The following SLC25A25 variants were observed in gnomAD, a reference collection of about 807,000 sequenced individuals.
The protein encoded by SLC25A25 is solute carrier family 25 member 25.
A neutral mutation model predicts 57.7 loss-of-function variants in SLC25A25; 32 were observed. That is an observed-to-expected ratio of 0.55 (90% CI 0.42 to 0.74). The LOEUF (loss-of-function observed/expected upper bound fraction) is 0.74, where lower values mean the gene tolerates loss of function less well. Among genes scored for constraint, SLC25A25 ranks in the 30% least tolerant of loss-of-function variants. The probability of loss-of-function intolerance (pLI) is 0.00; values close to 1 mark genes in which losing one functional copy is unlikely to be tolerated. For missense variants in SLC25A25, 556 were observed against 701.3 expected, an observed-to-expected ratio of 0.79 and a Z score of 2.34; for synonymous variants, 306 against 291.2, an observed-to-expected ratio of 1.05 and a Z score of -0.52.
chr9:128,091,459 G>A, intron 1 of SLC25A25: 1 of 986,318 alleles, frequency 1.0e-6, no homozygotes, highest in Non-Finnish European at 1.2e-6. Flanking sequence ...CGGCTTGGGT[G>A]ATGAGCGAGG....
chr9:128,081,367 T>C (rs773325038), intron 1 of SLC25A25, among the ~76,000 whole-genome samples: 5 of 152,208 alleles, frequency 3.3e-5, no homozygotes, highest in Middle Eastern at 3.2e-3. Context: ...CATTTTATGT[T>C]GCTTTAGTAA....
At chr9:128,078,648 T>C (rs1230517547) in intron 1 of SLC25A25, among the ~76,000 whole-genome samples, 1 of 152,206 alleles carries the variant, frequency 6.6e-6, no homozygotes, top group Non-Finnish European at 1.5e-5. Context: ...GTGGATCGTC[T>C]TTCCTAAGTA....
rs975383425 is a variant in SLC25A25 at position 128,102,745 on chromosome 9, C to G, written c.624+264C>G. On this transcript the variant is annotated intron_variant, in intron 5 of 10. Transcript: ENST00000373069. This position sits in a 1 kb window ranked among gnomAD's most constrained non-coding sequence, Gnocchi z 4.1. Reference sequence around the variant, plus strand: ...CCTCCGTCCCCACATGCTCCCTGCTCCCTGCTCCTCATGGGCCACTTCAAA... The same window carrying G: ...CCTCCGTCCCCACATGCTCCCTGCTGCCTGCTCCTCATGGGCCACTTCAAA... Among the ~76,000 whole-genome samples, 5 of 152,240 alleles carry G rather than the reference C, an allele frequency of 3.3e-5. No homozygotes were observed. The highest frequency in any genetic ancestry group is 1.5e-5 in the Non-Finnish European group (1 of 68,030).
At chr9:128,096,039 G>A (rs1019998778) in intron 1 of SLC25A25, among the ~76,000 whole-genome samples, 1 of 152,136 alleles carries the variant, frequency 6.6e-6, no homozygotes, top group African/African-American at 2.4e-5. Flanking sequence ...TCACTAAAAT[G>A]AGATATTCAA....
rs976633322 is a variant in SLC25A25, at chr9:128,095,835, G to T, written c.262-5261G>T. ...AGGAAAGACAAAGAAAAAAGAAGAA[G>T]AATACAGGTTTCACTTTTATTTAGT... On this transcript the variant is annotated intron_variant, in intron 1 of 10. Transcript: ENST00000373069. This position sits in a 1 kb window ranked among gnomAD's most constrained non-coding sequence, Gnocchi z 4.4. 3.3e-5 allele frequency among the ~76,000 whole-genome samples: 5 copies of T among 151,950 alleles called. No homozygotes were observed. Among genetic ancestry groups the T allele is most frequent in the African/African-American group, 7.3e-5 (3 of 41,342 alleles).
At chr9:128,084,347 G>T (rs919040643) in intron 1 of SLC25A25, among the ~76,000 whole-genome samples, 2 of 149,904 alleles carry the variant, frequency 1.3e-5, no homozygotes, top group Non-Finnish European at 2.9e-5. Flanking sequence ...TGCAACCTCC[G>T]CCTCCTGGGT....
At chr9:128,077,653 A>G (rs949147073) in intron 1 of SLC25A25, among the ~76,000 whole-genome samples, 1 of 151,718 alleles carries the variant, frequency 6.6e-6, no homozygotes, top group Non-Finnish European at 1.5e-5. Flanking sequence ...GCGGGTAGAG[A>G]GATAGGAAGG....
At chr9:128,073,738 C>CT (rs879805302) in intron 1 of SLC25A25, among the ~76,000 whole-genome samples, 7,739 of 145,426 alleles carry the variant, frequency 0.053, 588 homozygotes, top group African/African-American at 0.18. Flanking sequence ...AACTAGAATA[C>CT]TTTTTTTTTT....
intron 1 of SLC25A25, among the ~76,000 whole-genome samples, chr9:128,072,358 T>G (rs1471240197): frequency 1.3e-5 from 2 of 152,218 alleles, no homozygotes; most frequent in Non-Finnish European, 2.9e-5. Flanking sequence ...GGAATAGATG[T>G]TGAAGAACAC....
chr9:128,097,744 G>T (rs1374891862), intron 1 of SLC25A25, among the ~76,000 whole-genome samples: 1 of 152,218 alleles, frequency 6.6e-6, no homozygotes, highest in Non-Finnish European at 1.5e-5. Context: ...TGCTTCTGGG[G>T]AGTCCTTTGG....
At chr9:128,105,233 C>T (rs1217675756) in intron 6 of SLC25A25, among the ~76,000 whole-genome samples, 4 of 135,486 alleles carry the variant, frequency 3.0e-5, no homozygotes, top group South Asian at 4.9e-4. Context: ...TACAGGGGCG[C>T]GATCTTGGCT....
At chr9:128,072,190 G>A (rs1305437060) in intron 1 of SLC25A25, among the ~76,000 whole-genome samples, 1 of 152,232 alleles carries the variant, frequency 6.6e-6, no homozygotes, top group Non-Finnish European at 1.5e-5. Context: ...CTGGGCAACA[G>A]GAAGACATCC....
intron 1 of SLC25A25, among the ~76,000 whole-genome samples, chr9:128,097,665 G>A (rs541224589): frequency 2.6e-5 from 4 of 152,344 alleles, no homozygotes; most frequent in African/African-American, 7.2e-5. Flanking sequence ...GGGCTCCTAC[G>A]TGTTCTGAGC....
At position 128,095,142 on chromosome 9, in the gene SLC25A25, G is replaced by A. The variant is rs1282433876; in HGVS notation, c.262-5954G>A. Among the ~76,000 whole-genome samples, 1 of 152,180 alleles carries A rather than the reference G, an allele frequency of 6.6e-6. No individual in the cohort carries two copies. Among genetic ancestry groups the A allele is most frequent in the Non-Finnish European group, 1.5e-5 (1 of 68,030 alleles). On this transcript the variant is annotated intron_variant, in intron 1 of 10. Coordinates refer to ENST00000373069, the MANE Select transcript of SLC25A25 (RefSeq NM_001330988.2). This position sits in a 1 kb window ranked among gnomAD's most constrained non-coding sequence, Gnocchi z 4.4. ...AGCTGTGACACAAACACCGTTTTTG[G>A]TTGTATTTAGCTAGGGCTCAACTTG... is the stretch of plus-strand genomic sequence containing the variant.
chr9:128,105,688 G>A (rs1207482187), intron 6 of SLC25A25, 41 bp from the exon 7 acceptor site: 1 of 1,611,284 alleles, frequency 6.2e-7, no homozygotes, highest in Non-Finnish European at 8.5e-7. Flanking sequence ...GGCAGCCTGT[G>A]GCCCCCCGGG....
rs370055267 is a variant in SLC25A25 at position 128,106,372 on chromosome 9, C to T, written c.1064C>T (p.Ala355Val). The T allele has an allele frequency of 3.7e-6, 6 of 1,613,638 alleles. No homozygotes were observed. The African/African-American group carries it at 5.3e-5, about 14-fold the overall frequency. ...YPMEVLKTRMALRKTGQYSGM... is the reference protein window; with the variant it reads ...YPMEVLKTRMVLRKTGQYSGM... ...GTGCAGGTCCTGAAGACCCGGATGGCGCTGCGGAAGACAGGCCAGTACTCA... is the reference window on the plus strand; with the variant it reads ...GTGCAGGTCCTGAAGACCCGGATGGTGCTGCGGAAGACAGGCCAGTACTCA... The change falls in exon 9 of 11, where the codon GCG (alanine) becomes GTG (valine). Residue 355 changes from alanine (A) to valine (V), a missense_variant. Physicochemically the swap from Ala to Val is moderately conservative, Grantham distance 64. Around this residue, in one of 3 missense-constraint regions of SLC25A25, gnomAD observed 294 missense variants for 389.6 expected, o/e 0.75. Transcript: ENST00000373069.
At chr9:128,082,994 TG>T (rs1370600274) in intron 1 of SLC25A25, among the ~76,000 whole-genome samples, 2 of 151,752 alleles carry the variant, frequency 1.3e-5, no homozygotes, top group African/African-American at 2.4e-5. Flanking sequence ...TCTGGGAGGC[TG>T]AAGCGGGCAG....
intron 1 of SLC25A25, among the ~76,000 whole-genome samples, chr9:128,076,714 C>G (rs1282358495): frequency 6.6e-6 from 1 of 152,014 alleles, no homozygotes; most frequent in Non-Finnish European, 1.5e-5. Context: ...GTGATCCACC[C>G]GCCTCAGCCT....
At chr9:128,100,151 T>C (rs1307989458) in intron 1 of SLC25A25, among the ~76,000 whole-genome samples, 1 of 152,030 alleles carries the variant, frequency 6.6e-6, no homozygotes, top group Non-Finnish European at 1.5e-5. Flanking sequence ...TCCTTCTCTG[T>C]AAAATGGGGG....
Sources: gnomAD v4.1 joint callset for allele counts (sites outside exome capture counted in the v4.1 genomes callset) on GRCh38, gnomAD v4.1.1 for gene constraint, gnomAD v4.1.1 regional missense constraint, Gnocchi (gnomAD v3.1) non-coding constraint, MANE v1.5 for transcripts, NCBI Gene and HGNC (gene_info 2026-07-23, HGNC 2026-07-21) for gene names.